Variants in SDHAF3 observed in about 807,000 individuals in gnomAD.
SDHAF3 encodes the protein succinate dehydrogenase assembly factor 3, mitochondrial.
In SDHAF3, 18 loss-of-function variants were observed where a neutral mutation model predicts 11.5. The ratio of observed to expected loss-of-function variants is 1.56; its 90% CI spans 1.08 to 2.32. The LOEUF is 2.32. SDHAF3 is among the 30% of genes most tolerant of loss of function. SDHAF3 has a pLI of 0.00. For missense variants in SDHAF3, 200 were observed against 154.4 expected, an observed-to-expected ratio of 1.30 and a Z score of -1.57; for synonymous variants, 72 against 59.3, an observed-to-expected ratio of 1.21 and a Z score of -0.99.
At chr7:97,164,233 C>CTT (rs148658215) in intron 1 of SDHAF3, among the ~76,000 whole-genome samples, 3 of 144,178 alleles carry the variant, frequency 2.1e-5, no homozygotes, top group South Asian at 2.2e-4. Flanking sequence ...CGCCTGGCCT[C>CTT]TTTTTTTTTT....
At chr7:97,167,974 C>T (rs1789539310) in intron 1 of SDHAF3, among the ~76,000 whole-genome samples, 1 of 152,144 alleles carries the variant, frequency 6.6e-6, no homozygotes, top group Non-Finnish European at 1.5e-5. Context: ...GGCATGCCCA[C>T]AGTGAACTAG....
intron 1 of SDHAF3, among the ~76,000 whole-genome samples, chr7:97,165,357 C>CTTTTTTTTTTTTTTTTTTTTTTTCTTT (rs10653828): frequency 3.9e-5 from 3 of 77,022 alleles, no homozygotes; most frequent in Admixed American, 1.7e-4. Flanking sequence ...ATTTTCCTAC[C>CTTTTTTTTTTTTTTTTTTTTTTTCTTT]TTTTTTTTTT....
At chr7:97,126,845 G>GAAA (rs553016957) in intron 1 of SDHAF3, among the ~76,000 whole-genome samples, 2 of 117,606 alleles carry the variant, frequency 1.7e-5, no homozygotes, top group Non-Finnish European at 1.7e-5. Flanking sequence ...CTGGAGTACC[G>GAAA]AAAAAAAAAA....
intron 1 of SDHAF3, among the ~76,000 whole-genome samples, chr7:97,138,238 C>T (rs1217356571): frequency 6.6e-6 from 1 of 151,570 alleles, no homozygotes; most frequent in Non-Finnish European, 1.5e-5. Flanking sequence ...CAGCTCACTG[C>T]AACGTCCGCC....
intron 1 of SDHAF3, among the ~76,000 whole-genome samples, chr7:97,148,438 G>A (rs1296855245): frequency 2.0e-5 from 3 of 152,144 alleles, no homozygotes; most frequent in Admixed American, 6.5e-5. Context: ...CCAGGATGCC[G>A]AGGCTGGAGG....
chr7:97,135,023 C>A (rs1007782590), intron 1 of SDHAF3: 2 of 151,868 alleles, frequency 1.3e-5, no homozygotes, highest in African/African-American at 2.4e-5. Flanking sequence ...TTCCTTTAAC[C>A]CTCTCTTTCT....
At chr7:97,169,418 A>G (rs1392390142) in intron 1 of SDHAF3, among the ~76,000 whole-genome samples, 1 of 152,216 alleles carries the variant, frequency 6.6e-6, no homozygotes, top group Non-Finnish European at 1.5e-5. Flanking sequence ...AATTTTTAAA[A>G]TACTTGATTT....
chr7:97,155,118 A>G (rs1789282859), intron 1 of SDHAF3, among the ~76,000 whole-genome samples: 1 of 152,186 alleles, frequency 6.6e-6, no homozygotes, highest in Non-Finnish European at 1.5e-5. Context: ...TCCACTGTAC[A>G]TTTTATAATA....
At chr7:97,133,043 T>A (rs1347246315) in intron 1 of SDHAF3, among the ~76,000 whole-genome samples, 10 of 152,176 alleles carry the variant, frequency 6.6e-5, no homozygotes. Context: ...GGAGTTAGAA[T>A]ATTTATATTT....
chr7:97,177,286 A>AG (rs1789692487), intron 1 of SDHAF3, among the ~76,000 whole-genome samples: 1 of 151,906 alleles, frequency 6.6e-6, no homozygotes, highest in Non-Finnish European at 1.5e-5. Flanking sequence ...GTGGATCATG[A>AG]GGTCAGGAGA....
intron 1 of SDHAF3, among the ~76,000 whole-genome samples, chr7:97,170,834 GT>G (rs1344529587): frequency 3.9e-5 from 6 of 151,982 alleles, no homozygotes; most frequent in African/African-American, 1.5e-4. Flanking sequence ...TGACACTAGT[GT>G]TACTTTCTAT....
intron 1 of SDHAF3, among the ~76,000 whole-genome samples, chr7:97,163,416 A>C (rs760427980): frequency 8.5e-5 from 13 of 152,162 alleles, no homozygotes; most frequent in Non-Finnish European, 1.6e-4. Context: ...CTAGGATAAG[A>C]GGCGTGAGCC....
At chr7:97,150,935 C>T (rs988777579) in intron 1 of SDHAF3, among the ~76,000 whole-genome samples, 6 of 152,062 alleles carry the variant, frequency 3.9e-5, no homozygotes, top group Non-Finnish European at 8.8e-5. Flanking sequence ...CAGGCCTGCA[C>T]CACTGCGCCT....
At position 97,181,102 on chromosome 7, in the gene SDHAF3, A is replaced by C. The variant is rs1229011685; in HGVS notation, c.265A>C (p.Lys89Gln). The C allele has an allele frequency of 6.2e-7, 1 of 1,614,070 alleles. No individual in the cohort carries two copies. The change falls in exon 2 of 2, where the codon AAA (lysine) becomes CAA (glutamine). Residue 89 changes from lysine (K) to glutamine (Q), a missense_variant. By Grantham distance (53) the Lys-to-Gln change is moderately conservative. Coordinates refer to ENST00000432641, the MANE Select transcript of SDHAF3 (RefSeq NM_020186.3). ...TTTTGGCACCTTCCTCCCAGAAGAA[A>C]AACTTAATGACTTTCGTGATGAACA... The part of the protein sequence containing the change: ...ACFGTFLPEE[K>Q]LNDFRDEQIG...
intron 1 of SDHAF3, among the ~76,000 whole-genome samples, chr7:97,170,314 A>G (rs578131494): frequency 2.6e-5 from 4 of 152,302 alleles, no homozygotes; most frequent in African/African-American, 9.6e-5. Flanking sequence ...TTATATATAA[A>G]ACATAAAATG....
intron 1 of SDHAF3, among the ~76,000 whole-genome samples, chr7:97,177,591 T>G (rs1046945349): frequency 6.6e-6 from 1 of 152,254 alleles, no homozygotes. Flanking sequence ...ACGGTAGATC[T>G]TTTGGCATTG....
At chr7:97,162,116 CA>C (rs1311990399) in intron 1 of SDHAF3, among the ~76,000 whole-genome samples, 1 of 152,038 alleles carries the variant, frequency 6.6e-6, no homozygotes, top group African/African-American at 2.4e-5. Flanking sequence ...ACTTTTTAAT[CA>C]TCGCCATTCT....
At chr7:97,128,589 A>T in intron 1 of SDHAF3, among the ~76,000 whole-genome samples, 1 of 152,180 alleles carries the variant, frequency 6.6e-6, no homozygotes, top group Admixed American at 6.5e-5. Flanking sequence ...AGGTATGTGT[A>T]TAGGTAATGT....
intron 1 of SDHAF3, among the ~76,000 whole-genome samples, chr7:97,141,638 C>T (rs368014115): frequency 5.3e-5 from 8 of 152,112 alleles, no homozygotes; most frequent in South Asian, 2.1e-4. Flanking sequence ...TACTGACTAG[C>T]GCCTGCCATC....
Sources: gnomAD v4.1 joint callset for allele counts (sites outside exome capture counted in the v4.1 genomes callset) on GRCh38, gnomAD v4.1.1 for gene constraint, MANE v1.5 for transcripts, NCBI Gene and HGNC (gene_info 2026-07-23, HGNC 2026-07-21) for gene names.